Variants in CARD14 observed in about 807,000 individuals in gnomAD.
CARD14 encodes the protein caspase recruitment domain-containing protein 14.
CARD14 carries 107 observed loss-of-function variants against 111.5 expected under a neutral mutation model. The observed-to-expected ratio is 0.96, with a 90% CI of 0.82 to 1.13. The LOEUF (loss-of-function observed/expected upper bound fraction) is 1.13. Ranked by LOEUF, CARD14 falls within the 50% of genes most tolerant of loss-of-function variation. CARD14 has a pLI of 0.00. For synonymous variants in CARD14, 617 were observed against 579.6 expected, an observed-to-expected ratio of 1.06 and a Z score of -0.93; for missense variants, 1,322 against 1,362.3, an observed-to-expected ratio of 0.97 and a Z score of 0.47.
Position 80,174,957 on chromosome 17 carries a change from G to T in CARD14, c.-367+1729G>T, listed in dbSNP as rs1459801379. Reference sequence around the variant, plus strand: ...ACTCCTTTGGTTTCAGGGCTTGTCTGCCATTTTTCTTTTTTCTTTCTTTCT... The same window carrying T: ...ACTCCTTTGGTTTCAGGGCTTGTCTTCCATTTTTCTTTTTTCTTTCTTTCT... On this transcript the variant is annotated intron_variant, in intron 2 of 23. Coordinates refer to ENST00000648509, the MANE Select transcript of CARD14 (RefSeq NM_001366385.1). 2.6e-5 allele frequency among the ~76,000 whole-genome samples: 4 copies of T among 151,992 alleles called. No homozygotes were observed. In the East Asian group the frequency reaches 7.7e-4, roughly 29 times the overall value.
chr17:80,176,639 C>T (rs2040033079), intron 2 of CARD14, among the ~76,000 whole-genome samples: 1 of 152,194 alleles, frequency 6.6e-6, no homozygotes. Context: ...CCTGAAGACC[C>T]CTCGGTGATG....
rs1485544888 is a variant in CARD14, at chr17:80,189,683, C to T, written c.844-70C>T. The T allele has an allele frequency of 7.0e-6, 10 of 1,435,912 alleles. No homozygotes were observed. The highest frequency in any genetic ancestry group is 4.5e-5 in the African/African-American group (3 of 66,928). The allele number at this position is 1,435,912 out of a possible 1,614,324, so 88.9% of individuals were successfully genotyped here. A position where few individuals can be genotyped will look rare whatever the true frequency, so the allele number is the denominator to read the frequency against. ...GACCGTGCAGTTGCCGCCATCTTCT[C>T]GGGATTCTGCTTGCCTAGGGCAGGC... is the stretch of plus-strand genomic sequence containing the variant. On this transcript the variant is annotated intron_variant, in intron 8 of 23. Transcript: ENST00000648509. The surrounding 1 kb of genome is among the most constrained non-coding windows in gnomAD (Gnocchi z 4.7).
chr17:80,195,026 C>G lies in CARD14; in HGVS notation c.1357-165C>G, dbSNP rs535954529. On this transcript the variant is annotated intron_variant, in intron 12 of 23. Coordinates refer to ENST00000648509, the MANE Select transcript of CARD14 (RefSeq NM_001366385.1). This position sits in a 1 kb window ranked among gnomAD's most constrained non-coding sequence, Gnocchi z 4.7. ...GCATGTGACCCCAGTGTCTGGCATA[C>G]AGCAGGTGCTCAGCGCATGTGACCC... 6.6e-6 allele frequency among the ~76,000 whole-genome samples: 1 copy of G among 152,166 alleles called. No individual in the cohort carries two copies. The highest frequency in any genetic ancestry group is 1.5e-5 in the Non-Finnish European group (1 of 68,020).
At chr17:80,184,278 G>T in intron 7 of CARD14, 40 bp downstream of exon 7, 2 of 1,451,228 alleles carry the variant, frequency 1.4e-6, no homozygotes, top group Non-Finnish European at 1.8e-6. Context: ...CCCTGCTGTC[G>T]TCTGCCCCCA....
chr17:80,201,629 T>C lies in CARD14; in HGVS notation c.1852-115T>C, dbSNP rs1285366722. ...TGTTTTGACCAAGGCGTGCAGGCAG[T>C]GGTCCTACGGCAGGGCTGGCCCGCG... On this transcript the variant is annotated intron_variant, in intron 16 of 23. Coordinates refer to ENST00000648509, the MANE Select transcript of CARD14 (RefSeq NM_001366385.1). This position sits in a 1 kb window ranked among gnomAD's most constrained non-coding sequence, Gnocchi z 5.0. The C allele has an allele frequency of 1.3e-5, 14 of 1,063,432 alleles. No homozygotes were observed. In the African/African-American group the frequency reaches 1.9e-4, roughly 14 times the overall value. 65.9% of individuals were successfully genotyped at this position (1,063,432 alleles called of 1,614,324 possible).
intron 2 of CARD14, among the ~76,000 whole-genome samples, chr17:80,176,247 T>G (rs1435897073): frequency 6.7e-6 from 1 of 150,214 alleles, no homozygotes; most frequent in East Asian, 2.0e-4. Context: ...CCAGGCAACA[T>G]AGTGAGACCC....
At chr17:80,174,656 A>G (rs1567863238) in intron 2 of CARD14, among the ~76,000 whole-genome samples, 1 of 152,058 alleles carries the variant, frequency 6.6e-6, no homozygotes, top group Non-Finnish European at 1.5e-5. Flanking sequence ...TTCCCACCGT[A>G]GTTTAGTCCT....
In CARD14 at chr17:80,195,940, C is replaced by G. The variant is rs570477398; in HGVS notation, c.1594+288C>G. ...CACGCCCTGCTCAGCACCCAGCCCC[C>G]TGCTCTGATCTGTAACGCTTGGGCT... is the stretch of plus-strand genomic sequence containing the variant. On this transcript the variant is annotated intron_variant, in intron 14 of 23. Transcript: ENST00000648509. This position sits in a 1 kb window ranked among gnomAD's most constrained non-coding sequence, Gnocchi z 4.7. 1 of 373,486 alleles carries G rather than the reference C, an allele frequency of 2.7e-6. No homozygotes were observed. The highest frequency in any genetic ancestry group is 3.9e-5 in the South Asian group (1 of 25,892). 23.1% of individuals were successfully genotyped at this position (373,486 alleles called of 1,614,324 possible). A position where few individuals can be genotyped will look rare whatever the true frequency, so the allele number is the denominator to read the frequency against.
At chr17:80,190,594 C>T (rs1292945441) in intron 9 of CARD14, among the ~76,000 whole-genome samples, 180 bp from the exon 10 acceptor site, 3 of 149,080 alleles carry the variant, frequency 2.0e-5, no homozygotes, top group African/African-American at 7.5e-5. Context: ...GCCTTGGCAT[C>T]GCAGCGAGTC....
rs1465630609 is a variant in CARD14 at position 80,203,940 on chromosome 17, C to T, written c.2283+55C>T. ...ACTGGGGTGGGCTGGAAGAGGGGCT[C>T]GGTGCTGGCAGGGTGGCAGGAGGCA... On this transcript the variant is annotated intron_variant, in intron 19 of 23. Transcript: ENST00000648509. The surrounding 1 kb of genome is among the most constrained non-coding windows in gnomAD (Gnocchi z 4.6). The T allele has an allele frequency of 1.8e-5, 26 of 1,425,960 alleles. No homozygotes were observed. Among genetic ancestry groups the T allele is most frequent in the Admixed American group, 1.1e-4 (5 of 47,238 alleles). 88.3% of individuals were successfully genotyped at this position (1,425,960 alleles called of 1,614,324 possible).
At chr17:80,190,169 G>A (rs1056530753) in intron 9 of CARD14, among the ~76,000 whole-genome samples, 6 of 152,118 alleles carry the variant, frequency 3.9e-5, no homozygotes, top group Non-Finnish European at 7.4e-5. Context: ...GAAAGGAGAC[G>A]GTAGAAGAGA....
Position 80,185,246 on chromosome 17 carries a change from C to T in CARD14, c.675+1008C>T, listed in dbSNP as rs939337294. Among the ~76,000 whole-genome samples, 9 of 152,052 alleles carry T rather than the reference C, an allele frequency of 5.9e-5. No individual in the cohort carries two copies. The South Asian group carries it at 1.9e-3, about 32-fold the overall frequency. On this transcript the variant is annotated intron_variant, in intron 7 of 23. Coordinates refer to ENST00000648509, the MANE Select transcript of CARD14 (RefSeq NM_001366385.1). Reference sequence around the variant, plus strand: ...AAAATTTTTTTTGAAATGGGGGGTTCTCATTATGTTGCCCAGGCTGGTCTC... The same window carrying T: ...AAAATTTTTTTTGAAATGGGGGGTTTTCATTATGTTGCCCAGGCTGGTCTC...
chr17:80,202,231 A>G lies in CARD14; in HGVS notation c.2030A>G (p.Asp677Gly), dbSNP rs547193979. Residue 677 changes from aspartate to glycine, a missense_variant, in exon 18 of 24, where the codon GAC becomes GGC. Physicochemically the swap from Asp to Gly is moderately conservative, Grantham distance 94. Transcript: ENST00000648509. Reference protein sequence around the residue: ...DLEAKVATSGDSFYIRVNLAM... With the variant: ...DLEAKVATSGGSFYIRVNLAM... ...GAGGCCAAAGTGGCGACCTCGGGGGACTCATTCTACATCCGGGTCAACCTG... is the reference window on the plus strand; with the variant it reads ...GAGGCCAAAGTGGCGACCTCGGGGGGCTCATTCTACATCCGGGTCAACCTG... 1 of 1,613,492 alleles carries G rather than the reference A, an allele frequency of 6.2e-7. No homozygotes were observed. Among genetic ancestry groups the G allele is most frequent in the South Asian group, 1.1e-5 (1 of 91,068 alleles).
intron 2 of CARD14, among the ~76,000 whole-genome samples, chr17:80,176,902 G>A (rs539585889): frequency 4.3e-4 from 65 of 152,300 alleles, no homozygotes; most frequent in African/African-American, 1.5e-3. Context: ...CATTGGCAGC[G>A]CATCCCTGGA....
chr17:80,187,104 C>A (rs2040368647), intron 7 of CARD14, among the ~76,000 whole-genome samples: 1 of 152,232 alleles, frequency 6.6e-6, no homozygotes, highest in African/African-American at 2.4e-5. Context: ...CAACCCATGC[C>A]CTGCGGCTTT....
intron 1 of CARD14, chr17:80,170,550 T>TGTGTGC (rs1205021660): frequency 1.3e-5 from 2 of 152,174 alleles, no homozygotes; most frequent in South Asian, 2.1e-4. Context: ...TACATGTGTG[T>TGTGTGC]GTGTGCGTGT....
chr17:80,202,489 C>T (rs1243661627), intron 18 of CARD14, 69 bp downstream of exon 18: 81 of 1,563,012 alleles, frequency 5.2e-5, no homozygotes, highest in Non-Finnish European at 5.8e-5. Context: ...CAGCCTGCCT[C>T]GGCTTCCTCC....
chr17:80,172,823 A>G (rs1004010080), intron 1 of CARD14, 83 bp from the exon 2 acceptor site: 1 of 146,876 alleles, frequency 6.8e-6, no homozygotes, highest in Non-Finnish European at 1.5e-5. Flanking sequence ...GTTTTCTAAA[A>G]TAATGACTAT....
chr17:80,192,719 C>T (rs1005946037), intron 12 of CARD14, 100 bp downstream of exon 12: 1 of 759,314 alleles, frequency 1.3e-6, no homozygotes, highest in Non-Finnish European at 2.2e-6. Flanking sequence ...CACCCTGTCC[C>T]CACAGGGAAG....
Sources: gnomAD v4.1 joint callset for allele counts (sites outside exome capture counted in the v4.1 genomes callset) on GRCh38, gnomAD v4.1.1 for gene constraint, Gnocchi (gnomAD v3.1) non-coding constraint, MANE v1.5 for transcripts, NCBI Gene and HGNC (gene_info 2026-07-23, HGNC 2026-07-21) for gene names.